KIAA1958: variants seen among roughly 807,000 people sequenced by gnomAD.
KIAA1958 encodes uncharacterized protein KIAA1958.
A neutral mutation model predicts 47.2 loss-of-function variants in KIAA1958; 14 were observed. The observed-to-expected ratio is 0.30, with a 90% CI of 0.20 to 0.46. The LOEUF (loss-of-function observed/expected upper bound fraction) is 0.46, where lower values mean the gene tolerates loss of function less well. Ranked by LOEUF, KIAA1958 falls within the 20% of genes least tolerant of loss-of-function variation. KIAA1958 has a pLI of 1.00. For synonymous variants in KIAA1958, 354 were observed against 353.3 expected, an observed-to-expected ratio of 1.00 and a Z score of -0.02; for missense variants, 803 against 909.2, an observed-to-expected ratio of 0.88 and a Z score of 1.50.
Position 112,645,796 on chromosome 9 carries a change from C to T in KIAA1958, c.1318C>T (p.Leu440Phe). The change falls in exon 3 of 4, where the codon CTC (leucine) becomes TTC (phenylalanine). Residue 440 changes from leucine to phenylalanine, a missense_variant. Leu to Phe is a conservative substitution (Grantham distance 22). Coordinates refer to ENST00000337530, the MANE Select transcript of KIAA1958 (RefSeq NM_133465.4). ...VWRYWCMTNGLKDHTDITKIP... is the reference protein window; with the variant it reads ...VWRYWCMTNGFKDHTDITKIP... The stretch of plus-strand genomic sequence containing the variant: ...GCGTTATTGGTGCATGACCAACGGG[C>T]TCAAAGACCACACAGACATCACCAA... 2 of 1,613,474 alleles carry T rather than the reference C, an allele frequency of 1.2e-6. No homozygotes were observed. Among genetic ancestry groups the T allele is most frequent in the South Asian group, 2.2e-5 (2 of 90,858 alleles).
At chr9:112,529,661 A>G (rs983197804) in intron 1 of KIAA1958, among the ~76,000 whole-genome samples, 3 of 152,136 alleles carry the variant, frequency 2.0e-5, no homozygotes, top group African/African-American at 7.2e-5. Context: ...TACCATCCTT[A>G]CCACATCATA....
chr9:112,512,002 A>G (rs776502930), intron 1 of KIAA1958, among the ~76,000 whole-genome samples: 1 of 152,230 alleles, frequency 6.6e-6, no homozygotes, highest in African/African-American at 2.4e-5. Flanking sequence ...GCAGTCCTGT[A>G]TCTGTTATAG....
chr9:112,515,477 A>T (rs1469283732), intron 1 of KIAA1958, among the ~76,000 whole-genome samples: 1 of 138,054 alleles, frequency 7.2e-6, no homozygotes, highest in East Asian at 2.2e-4. Context: ...GAGAAATCGG[A>T]TGGTTGCCGT....
intron 1 of KIAA1958, among the ~76,000 whole-genome samples, chr9:112,559,554 G>A (rs1465591463): frequency 6.6e-6 from 1 of 152,180 alleles, no homozygotes; most frequent in Non-Finnish European, 1.5e-5. Flanking sequence ...AGTTCCAGTG[G>A]AGTCTGGGGA....
intron 1 of KIAA1958, among the ~76,000 whole-genome samples, chr9:112,560,087 C>T (rs768767185): frequency 2.0e-5 from 3 of 151,230 alleles, no homozygotes; most frequent in African/African-American, 7.3e-5. Context: ...TTTTTTGAGA[C>T]AGTGTCTTAC....
At chr9:112,515,446 G>C (rs1215296435) in intron 1 of KIAA1958, among the ~76,000 whole-genome samples, 1 of 144,694 alleles carries the variant, frequency 6.9e-6, no homozygotes, top group African/African-American at 2.5e-5. Context: ...ATAGAAAGGC[G>C]GGAAAGGTGG....
At chr9:112,504,609 C>A (rs555781839) in intron 1 of KIAA1958, among the ~76,000 whole-genome samples, 25 of 152,216 alleles carry the variant, frequency 1.6e-4, no homozygotes, top group Middle Eastern at 3.4e-3. Flanking sequence ...CTGAGGTTAT[C>A]CAGCACTGGA....
At position 112,486,878 on chromosome 9, in the gene KIAA1958, C is replaced by G. The variant is rs1443695513; in HGVS notation, c.-265C>G. 2 of 143,290 alleles carry G rather than the reference C, an allele frequency of 1.4e-5. No individual in the cohort carries two copies. The highest frequency in any genetic ancestry group is 2.5e-5 in the African/African-American group (1 of 40,060). 8.9% of individuals were successfully genotyped at this position (143,290 alleles called of 1,614,324 possible). On this transcript the variant is annotated 5_prime_UTR_variant, in exon 1 of 4. Coordinates refer to ENST00000337530, the MANE Select transcript of KIAA1958 (RefSeq NM_133465.4). Reference sequence around the variant, plus strand: ...CCGGGCGCGCGGAGCTCGGGGCGCACGGAGCGGCGCGCGGCGGTCGGCCGA... The same window carrying G: ...CCGGGCGCGCGGAGCTCGGGGCGCAGGGAGCGGCGCGCGGCGGTCGGCCGA...
rs577410635 is a variant in KIAA1958, at chr9:112,585,195, G to A, written c.1171+9944G>A. On this transcript the variant is annotated intron_variant, in intron 2 of 3. Transcript: ENST00000337530. ...GTGACAAGCACTGTGCTAGACTGGTGGAGATAAAAAGAAGAATATTAAATT... is the reference window on the plus strand; with the variant it reads ...GTGACAAGCACTGTGCTAGACTGGTAGAGATAAAAAGAAGAATATTAAATT... Among the ~76,000 whole-genome samples the A allele has an allele frequency of 8.5e-5, 13 of 152,236 alleles. No homozygotes were observed. The East Asian group carries it at 2.3e-3, about 27-fold the overall frequency.
intron 3 of KIAA1958, among the ~76,000 whole-genome samples, chr9:112,649,135 A>G (rs1327490388): frequency 6.6e-6 from 1 of 152,194 alleles, no homozygotes; most frequent in Non-Finnish European, 1.5e-5. Context: ...GTAACTATGT[A>G]AAATGAAACA....
intron 1 of KIAA1958, among the ~76,000 whole-genome samples, chr9:112,539,203 T>C (rs2132820874): frequency 6.6e-6 from 1 of 152,374 alleles, no homozygotes; most frequent in African/African-American, 2.4e-5. Flanking sequence ...GGTTTATACC[T>C]GAGACTATTG....
At chr9:112,625,171 C>T (rs116035443) in intron 2 of KIAA1958, among the ~76,000 whole-genome samples, 1,861 of 152,206 alleles carry the variant, frequency 0.012, 37 homozygotes, top group African/African-American at 0.042. Flanking sequence ...GACAGGGTCT[C>T]GCTCTGTTGT....
At position 112,574,360 on chromosome 9, in the gene KIAA1958, A is replaced by T; in HGVS notation, c.280A>T (p.Thr94Ser). 1 of 1,614,200 alleles carries T rather than the reference A, an allele frequency of 6.2e-7. No homozygotes were observed. Among genetic ancestry groups the T allele is most frequent in the Non-Finnish European group, 8.5e-7 (1 of 1,180,016 alleles). The change falls in exon 2 of 4, where the codon ACA becomes TCA. Residue 94 changes from threonine to serine, a missense_variant. Thr to Ser is a moderately conservative substitution (Grantham distance 58). Around this residue, in one of 2 missense-constraint regions of KIAA1958, gnomAD observed 761 missense variants for 829.3 expected, o/e 0.92. Coordinates refer to ENST00000337530, the MANE Select transcript of KIAA1958 (RefSeq NM_133465.4). Reference protein sequence around the residue: ...SPSIIGVPSETQTSPVERYPG... With the variant: ...SPSIIGVPSESQTSPVERYPG... Reference sequence around the variant, plus strand: ...CAGTATAATCGGGGTGCCCTCTGAGACACAGACTAGCCCTGTTGAAAGGTA... The same window carrying T: ...CAGTATAATCGGGGTGCCCTCTGAGTCACAGACTAGCCCTGTTGAAAGGTA...
At chr9:112,609,510 A>G (rs572689236) in intron 2 of KIAA1958, among the ~76,000 whole-genome samples, 27 of 152,322 alleles carry the variant, frequency 1.8e-4, no homozygotes, top group African/African-American at 6.0e-4. Flanking sequence ...TGAATTACAG[A>G]GGCAAGTGCA....
intron 2 of KIAA1958, among the ~76,000 whole-genome samples, chr9:112,580,138 C>A (rs989820096): frequency 1.3e-5 from 2 of 152,118 alleles, no homozygotes; most frequent in African/African-American, 4.8e-5. Context: ...GGTATTGAGA[C>A]CAAGCCTACA....
intron 1 of KIAA1958, among the ~76,000 whole-genome samples, chr9:112,515,289 C>G (rs1834402646): frequency 8.0e-6 from 1 of 124,908 alleles, no homozygotes; most frequent in Non-Finnish European, 1.8e-5. Context: ...CCCGGCCAGC[C>G]GCCCCGTCCG....
intron 1 of KIAA1958, among the ~76,000 whole-genome samples, chr9:112,502,269 TAAAC>T (rs1007847414): frequency 6.6e-6 from 1 of 152,256 alleles, no homozygotes; most frequent in African/African-American, 2.4e-5. Context: ...ACTCAGATAA[TAAAC>T]AAGACATTAT....
intron 1 of KIAA1958, among the ~76,000 whole-genome samples, chr9:112,563,760 G>A (rs1343322576): frequency 6.6e-6 from 1 of 151,642 alleles, no homozygotes; most frequent in Non-Finnish European, 1.5e-5. Context: ...AGGACCTCTA[G>A]TACAATGTTG....
chr9:112,551,178 A>G (rs1044123985), intron 1 of KIAA1958, among the ~76,000 whole-genome samples: 1 of 152,060 alleles, frequency 6.6e-6, no homozygotes, highest in South Asian at 2.1e-4. Context: ...AAATGCATTC[A>G]CATGTTATAT....
Sources: gnomAD v4.1 joint callset for allele counts (sites outside exome capture counted in the v4.1 genomes callset) on GRCh38, gnomAD v4.1.1 for gene constraint, gnomAD v4.1.1 regional missense constraint, MANE v1.5 for transcripts, NCBI Gene and HGNC (gene_info 2026-07-23, HGNC 2026-07-21) for gene names.